OXNAD1: variants seen among roughly 807,000 people sequenced by gnomAD.
The protein encoded by OXNAD1 is oxidoreductase NAD binding domain containing 1, also known as oxidoreductase NAD-binding domain-containing protein 1.
In OXNAD1, 34 loss-of-function variants were observed where a neutral mutation model predicts 32.9. That is an observed-to-expected ratio of 1.03 (90% CI 0.79 to 1.38). The LOEUF is 1.38. OXNAD1 is among the 40% of genes most tolerant of loss of function. The pLI is 0.00. For synonymous variants in OXNAD1, 134 were observed against 135.2 expected (o/e 0.99, Z 0.06); for missense variants, 407 against 379.4 (o/e 1.07, Z -0.60).
intron 4 of OXNAD1, chr3:16,272,090 C>CTTT: frequency 5.6e-5 from 21 of 373,350 alleles, no homozygotes; most frequent in East Asian, 7.9e-5. Flanking sequence ...TGTGTGGGGT[C>CTTT]TTTTTTTTTT....
intron 4 of OXNAD1, chr3:16,272,099 T>G (rs1336028307): frequency 4.7e-6 from 2 of 428,154 alleles, no homozygotes; most frequent in Non-Finnish European, 8.9e-6. Context: ...TCTTTTTTTT[T>G]TTTTTGCGTC....
intron 2 of OXNAD1, among the ~76,000 whole-genome samples, 159 bp downstream of exon 2, chr3:16,269,434 G>A (rs1001824221): frequency 2.6e-4 from 40 of 152,144 alleles, no homozygotes; most frequent in Admixed American, 2.0e-3. Context: ...ATGCTTATCC[G>A]CAATGATGCT....
chr3:16,279,243 T>C (rs1432705370), intron 4 of OXNAD1, among the ~76,000 whole-genome samples: 1 of 152,068 alleles, frequency 6.6e-6, no homozygotes, highest in Non-Finnish European at 1.5e-5. Flanking sequence ...TCTGGGGGGC[T>C]GGACTGCAGC....
In OXNAD1 at chr3:16,312,501, T is replaced by C. The variant is rs1208089095; in HGVS notation, c.*30+8909T>C. 6.6e-6 allele frequency among the ~76,000 whole-genome samples: 1 copy of C among 152,216 alleles called. No individual in the cohort carries two copies. Among genetic ancestry groups the C allele is most frequent in the East Asian group, 1.9e-4 (1 of 5,204 alleles). On this transcript the variant is annotated intron_variant, in intron 9 of 9. Coordinates refer to the OXNAD1 transcript ENST00000435829. This position sits in a 1 kb window ranked among gnomAD's most constrained non-coding sequence, Gnocchi z 4.7. ...CTCACCCTTCCCGTCTTGCCAGTCC[T>C]TTCAGGACTTGATCTTCAATCTTAG... is the stretch of plus-strand genomic sequence containing the variant.
chr3:16,328,160 T>C lies in OXNAD1; in HGVS notation c.*31-8952T>C, dbSNP rs567466626. Among the ~76,000 whole-genome samples, 5 of 152,320 alleles carry C rather than the reference T, an allele frequency of 3.3e-5. No homozygotes were observed. The East Asian group carries it at 9.6e-4, about 29-fold the overall frequency. ...GCCAGGAACTGAAAAACCTAAGGGC[T>C]CTCTGGCAGGGCCATGGGACTTTGA... On this transcript the variant is annotated intron_variant, in intron 9 of 9. Transcript: ENST00000435829.
chr3:16,347,117 A>G (rs183524981), intron 9 of OXNAD1, among the ~76,000 whole-genome samples: 156 of 152,198 alleles, frequency 1.0e-3, no homozygotes, highest in African/African-American at 3.3e-3. Context: ...TCCAGGGCCA[A>G]TTGTCCCAGT....
At position 16,290,181 on chromosome 3, in the gene OXNAD1, T is replaced by C. The variant is rs1356351259; in HGVS notation, c.290+3733T>C. 6.6e-6 allele frequency among the ~76,000 whole-genome samples: 1 copy of C among 152,208 alleles called. No individual in the cohort carries two copies. On this transcript the variant is annotated intron_variant, in intron 5 of 8. Transcript: ENST00000285083. This position sits in a 1 kb window ranked among gnomAD's most constrained non-coding sequence, Gnocchi z 4.2. The stretch of plus-strand genomic sequence containing the variant: ...TGCTTCACCGCGCACCTAGGCTCCT[T>C]CTGCATACACTCACTCATTGGGTAT...
rs1320577137 is a variant in OXNAD1, at chr3:16,345,726, T to A, written c.*31-3450T>A. On this transcript the variant is annotated intron_variant, in intron 9 of 9. Transcript: ENST00000606098. This position sits in a 1 kb window ranked among gnomAD's most constrained non-coding sequence, Gnocchi z 5.2. ...CTTTCCTGGGTCTCCAGCTTGCAGA[T>A]AGCAGACTGTGGGACTCCTCAGCCT... Among the ~76,000 whole-genome samples the A allele has an allele frequency of 6.6e-6, 1 of 151,782 alleles. No homozygotes were observed. Among genetic ancestry groups the A allele is most frequent in the East Asian group, 2.0e-4 (1 of 5,124 alleles).
At chr3:16,308,869 G>T (rs1340444886), downstream of OXNAD1, among the ~76,000 whole-genome samples, 1 of 152,076 alleles carries the variant, frequency 6.6e-6, no homozygotes, top group African/African-American at 2.4e-5. This position sits in a 1 kb window ranked among gnomAD's most constrained non-coding sequence, Gnocchi z 4.4. Flanking sequence ...AGCATAACAA[G>T]ATTTTATCTC....
At position 16,305,504 on chromosome 3, in the gene OXNAD1, G is replaced by A. The variant is rs1377237345; in HGVS notation, c.*1942G>A. 6.6e-6 allele frequency: 1 copy of A among 152,228 alleles called. No homozygotes were observed. Among genetic ancestry groups the A allele is most frequent in the African/African-American group, 2.4e-5 (1 of 41,450 alleles). The allele number at this position is 152,228 out of a possible 1,614,324, so 9.4% of individuals were successfully genotyped here. On this transcript the variant is annotated 3_prime_UTR_variant, in exon 9 of 9. Transcript: ENST00000285083. This position sits in a 1 kb window ranked among gnomAD's most constrained non-coding sequence, Gnocchi z 4.5. Reference sequence around the variant, plus strand: ...ATCCTTTCAGTGCCATTATTCTGGTGCTAAGTGCTGAAGAACATTTTCAGG... The same window carrying A: ...ATCCTTTCAGTGCCATTATTCTGGTACTAAGTGCTGAAGAACATTTTCAGG...
rs111473129 is a variant in OXNAD1 at position 16,276,546 on chromosome 3, G to C, written c.183+4824G>C. ...TTTTTTTTTTTTTACCACTTTTCAA[G>C]TGTTTCTTTGTCATTTAGAGGAAAT... On this transcript the variant is annotated intron_variant, in intron 4 of 8. Transcript: ENST00000285083. 4.1e-3 allele frequency: 664 copies of C among 161,080 alleles called. 2 individuals carry two copies. The highest frequency in any genetic ancestry group is 7.0e-3 in the Non-Finnish European group (539 of 76,742). The allele number at this position is 161,080 out of a possible 1,614,324, so 10.0% of individuals were successfully genotyped here. A position where few individuals can be genotyped will look rare whatever the true frequency, so the allele number is the denominator to read the frequency against.
In OXNAD1 at chr3:16,265,805, C is replaced by T. The variant is rs2064449211; in HGVS notation, c.-159+300C>T. 3 of 933,808 alleles carry T rather than the reference C, an allele frequency of 3.2e-6. No individual in the cohort carries two copies. The highest frequency in any genetic ancestry group is 3.8e-6 in the Non-Finnish European group (3 of 783,064). 57.8% of individuals were successfully genotyped at this position (933,808 alleles called of 1,614,324 possible). A position where few individuals can be genotyped will look rare whatever the true frequency, so the allele number is the denominator to read the frequency against. On this transcript the variant is annotated intron_variant, in intron 1 of 8. Transcript: ENST00000285083. The surrounding 1 kb of genome is among the most constrained non-coding windows in gnomAD (Gnocchi z 4.8). The stretch of plus-strand genomic sequence containing the variant: ...GGGCATCTTGACTAAAATCATACAC[C>T]TGGGAAATAATGAAGAGCTTGTCTG...
downstream of OXNAD1, among the ~76,000 whole-genome samples, chr3:16,350,778 GA>G (rs527794418): frequency 1.4e-4 from 22 of 152,206 alleles, no homozygotes; most frequent in Admixed American, 1.3e-3. Flanking sequence ...CCTATCACAG[GA>G]AAAAGGCAGA....
At chr3:16,293,398 A>G (rs1199997850) in intron 5 of OXNAD1, among the ~76,000 whole-genome samples, 1 of 152,128 alleles carries the variant, frequency 6.6e-6, no homozygotes, top group African/African-American at 2.4e-5. Flanking sequence ...ATTTGAATTT[A>G]TTAGTTCTAA....
At chr3:16,307,722 GTTTTATT>G (rs1390206742), downstream of OXNAD1, among the ~76,000 whole-genome samples, 2 of 127,188 alleles carry the variant, frequency 1.6e-5, no homozygotes, top group African/African-American at 6.7e-5. Context: ...TCATTGGGTT[GTTTTATT>G]TTTTAAACTT....
rs1241159800 is a variant in OXNAD1, at chr3:16,322,796, GA to G, written c.*31-14312del. On this transcript the variant is annotated intron_variant, in intron 9 of 9. Coordinates refer to the OXNAD1 transcript ENST00000435829. The surrounding 1 kb of genome is among the most constrained non-coding windows in gnomAD (Gnocchi z 6.2). ...GGGTAGTTCAGAGTCCGGAGAGGGG[GA>G]AAAGGGCCCTGGGGATCTCTTGAGG... Among the ~76,000 whole-genome samples, 1 of 152,142 alleles carries G rather than the reference GA, an allele frequency of 6.6e-6. No individual in the cohort carries two copies. The highest frequency in any genetic ancestry group is 2.4e-5 in the African/African-American group (1 of 41,430).
intron 4 of OXNAD1, among the ~76,000 whole-genome samples, chr3:16,279,715 A>C (rs1034268307): frequency 6.6e-6 from 1 of 152,046 alleles, no homozygotes; most frequent in African/African-American, 2.4e-5. Context: ...AAGAGAGAGG[A>C]GCCAACTGTG....
chr3:16,302,045 T>A lies in OXNAD1; in HGVS notation c.675+177T>A, dbSNP rs900919448. ...CCTTACCCAAGACAAGTAAAACTGC[T>A]AGTGTTGAAGAGGCTAGCAGTTAGG... On this transcript the variant is annotated intron_variant, in intron 7 of 8. Coordinates refer to ENST00000285083, the MANE Select transcript of OXNAD1 (RefSeq NM_138381.5). The surrounding 1 kb of genome is among the most constrained non-coding windows in gnomAD (Gnocchi z 4.2). Among the ~76,000 whole-genome samples, 4 of 152,158 alleles carry A rather than the reference T, an allele frequency of 2.6e-5. No homozygotes were observed. Among genetic ancestry groups the A allele is most frequent in the South Asian group, 4.1e-4 (2 of 4,826 alleles).
At position 16,320,200 on chromosome 3, in the gene OXNAD1, A is replaced by C. The variant is rs2068888500; in HGVS notation, c.*30+16608A>C. On this transcript the variant is annotated intron_variant, in intron 9 of 9. Transcript: ENST00000435829. The surrounding 1 kb of genome is among the most constrained non-coding windows in gnomAD (Gnocchi z 4.5). ...GTTTAGCTGGAAGGAAGTCTTCCCG[A>C]GTTGTAGAAATCACCTACTCCCTTT... 6.6e-6 allele frequency among the ~76,000 whole-genome samples: 1 copy of C among 152,252 alleles called. No individual in the cohort carries two copies. The highest frequency in any genetic ancestry group is 6.5e-5 in the Admixed American group (1 of 15,292).
Sources: gnomAD v4.1 joint callset for allele counts (sites outside exome capture counted in the v4.1 genomes callset) on GRCh38, gnomAD v4.1.1 for gene constraint, Gnocchi (gnomAD v3.1) non-coding constraint, MANE v1.5 for transcripts, NCBI Gene and HGNC (gene_info 2026-07-23, HGNC 2026-07-21) for gene names.